Variants in ART3 observed in about 807,000 individuals in gnomAD.
The protein encoded by ART3 is ecto-ADP-ribosyltransferase 3.
ART3 carries 49 observed loss-of-function variants against 48.5 expected under a neutral mutation model. That is an observed-to-expected ratio of 1.01 (90% CI 0.80 to 1.28). ART3 has a LOEUF of 1.28. ART3 is among the 50% of genes most tolerant of loss of function. The probability of loss-of-function intolerance (pLI) is 0.00; values close to 1 mark genes in which losing one functional copy is unlikely to be tolerated. For synonymous variants in ART3, 145 were observed against 157.2 expected (o/e 0.92, Z 0.58); for missense variants, 438 against 454.3 (o/e 0.96, Z 0.33).
chr4:76,060,571 T>C (rs1401334113), intron 1 of ART3, among the ~76,000 whole-genome samples: 1 of 152,056 alleles, frequency 6.6e-6, no homozygotes, highest in Non-Finnish European at 1.5e-5. Flanking sequence ...ATTCCTGGAA[T>C]CTGTGAATAT....
At chr4:76,015,871 C>A (rs1427966491) in intron 1 of ART3, among the ~76,000 whole-genome samples, 1 of 152,224 alleles carries the variant, frequency 6.6e-6, no homozygotes, top group African/African-American at 2.4e-5. Flanking sequence ...TCAAGCGATC[C>A]TCTGGCCTTG....
rs1431902140 is a variant in ART3, at chr4:76,082,382, G to T, written c.628G>T (p.Asp210Tyr). The T allele has an allele frequency of 4.3e-6, 7 of 1,614,044 alleles. No homozygotes were observed. The highest frequency in any genetic ancestry group is 3.3e-5 in the Admixed American group (2 of 60,008). ...VLSIYTCLGV[D>Y]IENFLDKESE... ...ATCCATCTACACATGCCTTGGAGTT[G>T]ACATTGAAAATTTTCTTGATAAAGA... The change falls in exon 3 of 12, where the codon GAC (aspartate) becomes TAC (tyrosine). Residue 210 changes from aspartate to tyrosine, a missense_variant. Asp to Tyr is a radical substitution (Grantham distance 160). Around this residue, in one of 3 missense-constraint regions of ART3, gnomAD observed 227 missense variants for 229.6 expected, o/e 0.99. Transcript: ENST00000355810.
rs1318023525 is a variant in ART3 at position 76,081,978 on chromosome 4, C to G, written c.224C>G (p.Ala75Gly). 2 of 1,614,134 alleles carry G rather than the reference C, an allele frequency of 1.2e-6. No individual in the cohort carries two copies. The highest frequency in any genetic ancestry group is 1.7e-6 in the Non-Finnish European group (2 of 1,180,020). ...QLDTVWENAK[A>G]KWAARKTQIF... ...GATACTGTGTGGGAAAATGCAAAAG[C>G]CAAATGGGCAGCCCGAAAGACTCAA... Residue 75 changes from alanine (A) to glycine (G), a missense_variant, in exon 3 of 12, where the codon GCC becomes GGC. By Grantham distance (60) the Ala-to-Gly change is moderately conservative (BLOSUM62 0). Transcript: ENST00000355810.
At chr4:76,089,405 C>T (rs867245920) in intron 3 of ART3, among the ~76,000 whole-genome samples, 5 of 152,122 alleles carry the variant, frequency 3.3e-5, no homozygotes, top group African/African-American at 1.2e-4. Context: ...CCCCTTTGTG[C>T]TGTTATCATG....
At chr4:76,034,622 C>T in intron 1 of ART3, 1 of 637,144 alleles carries the variant, frequency 1.6e-6, no homozygotes, top group Non-Finnish European at 2.7e-6. Flanking sequence ...GTTTTTGGTC[C>T]TTTCACCCAC....
chr4:76,082,727 T>TA (rs112194262), intron 3 of ART3, among the ~76,000 whole-genome samples, 192 bp downstream of exon 3: 2 of 152,124 alleles, frequency 1.3e-5, no homozygotes, highest in Admixed American at 6.5e-5. Flanking sequence ...TATTAAAAGT[T>TA]AAAAAAAATT....
intron 11 of ART3, among the ~76,000 whole-genome samples, chr4:76,110,475 G>C (rs1471915994): frequency 6.6e-6 from 1 of 152,236 alleles, no homozygotes; most frequent in Non-Finnish European, 1.5e-5. Flanking sequence ...AGGGATGACT[G>C]TATATCCAGT....
intron 2 of ART3, 46 bp downstream of exon 2, chr4:76,076,004 GTT>G (rs10674212): frequency 2.2e-3 from 2,640 of 1,185,788 alleles, no homozygotes; most frequent in South Asian, 2.7e-3. Context: ...ATGGAAATTC[GTT>G]TTTTTTTTTT....
chr4:76,111,378 T>A (rs987019051), intron 11 of ART3, among the ~76,000 whole-genome samples: 1 of 152,166 alleles, frequency 6.6e-6, no homozygotes, highest in East Asian at 1.9e-4. Flanking sequence ...GATATATAGA[T>A]TCAGGTCTGC....
chr4:76,024,614 A>G (rs1578217346), intron 1 of ART3, among the ~76,000 whole-genome samples: 1 of 152,208 alleles, frequency 6.6e-6, no homozygotes, highest in Admixed American at 6.5e-5. Context: ...AGCAGTATCC[A>G]TGGATATAGT....
At chr4:76,101,549 C>T (rs1019185048) in intron 8 of ART3, among the ~76,000 whole-genome samples, 4 of 152,142 alleles carry the variant, frequency 2.6e-5, no homozygotes, top group Admixed American at 1.3e-4. Context: ...GGGCGGATCA[C>T]GAGATCAGCC....
At chr4:76,021,279 T>TCATTGATACATAGTATCATTGATACATA (rs1457106490) in intron 1 of ART3, 1 of 152,248 alleles carries the variant, frequency 6.6e-6, no homozygotes, top group Admixed American at 6.5e-5. Flanking sequence ...AAAATTTTCC[T>TCATTGATACATAGTATCATTGATACATA]GTTACTCATT....
rs1733796204 is a variant in ART3 at position 76,030,656 on chromosome 4, C to T, written c.-10+19336C>T. ...ACTCCTCATTAACACCTCCCCCAAA[C>T]CCCAGTCAGCTAATTTGCTTTTTGT... On this transcript the variant is annotated intron_variant, in intron 1 of 9. Transcript: ENST00000341029. Among the ~76,000 whole-genome samples the T allele has an allele frequency of 3.9e-5, 6 of 152,196 alleles. No homozygotes were observed. In the South Asian group the frequency reaches 1.2e-3, roughly 32 times the overall value.
At chr4:76,091,494 G>A (rs1384974203) in intron 3 of ART3, among the ~76,000 whole-genome samples, 2 of 152,092 alleles carry the variant, frequency 1.3e-5, no homozygotes, top group Non-Finnish European at 2.9e-5. Flanking sequence ...GAGTAATAAT[G>A]TTGAGCATCT....
chr4:76,078,808 C>T (rs982880640), intron 2 of ART3, among the ~76,000 whole-genome samples: 15 of 152,228 alleles, frequency 9.9e-5, no homozygotes, highest in Admixed American at 6.5e-4. Context: ...CGGCCGGGCA[C>T]GGTGGCTCAC....
chr4:76,076,841 A>AT (rs1005496062), intron 2 of ART3, among the ~76,000 whole-genome samples: 6 of 151,486 alleles, frequency 4.0e-5, no homozygotes, highest in Admixed American at 6.6e-5. Context: ...ATTTCACTTG[A>AT]TTTTTTTTCC....
chr4:76,100,865 A>G, intron 7 of ART3, 41 bp downstream of exon 7: 1 of 1,607,678 alleles, frequency 6.2e-7, no homozygotes, highest in Non-Finnish European at 8.5e-7. Flanking sequence ...TACATTTTAC[A>G]AGATACCTCC....
chr4:76,034,884 A>T, intron 1 of ART3: 4 of 1,443,434 alleles, frequency 2.8e-6, no homozygotes, highest in Non-Finnish European at 3.9e-6. Context: ...ATCTAAAAAC[A>T]TGTAGTAAGA....
intron 3 of ART3, among the ~76,000 whole-genome samples, chr4:76,084,777 T>A (rs1268027246): frequency 6.6e-6 from 1 of 152,158 alleles, no homozygotes. Context: ...CCTTGATTGG[T>A]AAAGTGCATC....
Sources: allele counts gnomAD v4.1 joint callset (sites outside exome capture counted in the v4.1 genomes callset), GRCh38; gene constraint gnomAD v4.1.1; regional missense constraint gnomAD v4.1.1; transcripts MANE v1.5; gene names NCBI Gene and HGNC (gene_info 2026-07-23, HGNC 2026-07-21).